ZFHX3: variants seen among roughly 807,000 people sequenced by gnomAD.
The protein encoded by ZFHX3 is zinc finger homeobox protein 3.
ZFHX3 carries 42 observed loss-of-function variants against 279.1 expected under a neutral mutation model. The observed-to-expected ratio is 0.15, with a 90% CI of 0.12 to 0.19. The LOEUF (loss-of-function observed/expected upper bound fraction) is 0.19, where lower values mean the gene tolerates loss of function less well. Among genes scored for constraint, ZFHX3 ranks in the 10% least tolerant of loss-of-function variants. ZFHX3 has a pLI of 1.00. For synonymous variants in ZFHX3, 2,293 were observed against 1,957.8 expected, an observed-to-expected ratio of 1.17 and a Z score of -4.52; for missense variants, 4,981 against 4,754.0, an observed-to-expected ratio of 1.05 and a Z score of -1.40.
At chr16:73,729,652 C>G (rs1164891973) in intron 1 of ZFHX3, among the ~76,000 whole-genome samples, 1 of 152,168 alleles carries the variant, frequency 6.6e-6, no homozygotes, top group African/African-American at 2.4e-5. Flanking sequence ...AACTAAAACA[C>G]CATAGCATCC....
chr16:73,887,487 T>C (rs1456422517), intron 1 of ZFHX3, among the ~76,000 whole-genome samples: 1 of 152,204 alleles, frequency 6.6e-6, no homozygotes, highest in Non-Finnish European at 1.5e-5. Flanking sequence ...TAGATTAAAA[T>C]GGTTTAACTT....
At chr16:73,498,358 T>C (rs770914529) in intron 2 of ZFHX3, among the ~76,000 whole-genome samples, 13 of 152,238 alleles carry the variant, frequency 8.5e-5, no homozygotes, top group Non-Finnish European at 1.5e-4. Flanking sequence ...GACATCTTGA[T>C]GTCAGTTGGT....
chr16:73,307,002 C>T (rs1472080979), intron 4 of ZFHX3, among the ~76,000 whole-genome samples: 1 of 152,188 alleles, frequency 6.6e-6, no homozygotes, highest in Non-Finnish European at 1.5e-5. Context: ...TCCTACACAA[C>T]AAGAACAGCA....
In ZFHX3 at chr16:73,603,823, G is replaced by T. The variant is rs889687308; in HGVS notation, c.-1547+76357C>A. Among the ~76,000 whole-genome samples, 10 of 146,222 alleles carry T rather than the reference G, an allele frequency of 6.8e-5. No homozygotes were observed. In the East Asian group the frequency reaches 1.8e-3, roughly 26 times the overall value. Reference sequence around the variant, plus strand: ...GAGTCTGGCTCTCTCACCCAGGCTGGAGTGCAGTGGCGTGGCATGATATCG... The same window carrying T: ...GAGTCTGGCTCTCTCACCCAGGCTGTAGTGCAGTGGCGTGGCATGATATCG... On this transcript the variant is annotated intron_variant, in intron 2 of 17. Transcript: ENST00000641206.
intron 3 of ZFHX3, among the ~76,000 whole-genome samples, chr16:73,349,273 C>A (rs2016179602): frequency 6.6e-6 from 1 of 152,148 alleles, no homozygotes; most frequent in African/African-American, 2.4e-5. Flanking sequence ...TTGTCACACA[C>A]CATCCTCACA....
intron 7 of ZFHX3, among the ~76,000 whole-genome samples, chr16:72,806,760 A>G (rs1471563559): frequency 6.6e-6 from 1 of 152,180 alleles, no homozygotes; most frequent in Non-Finnish European, 1.5e-5. Flanking sequence ...AGAAAAGTGC[A>G]GGCAACACAG....
intron 2 of ZFHX3, among the ~76,000 whole-genome samples, chr16:73,522,689 G>T (rs911570492): frequency 6.6e-6 from 1 of 152,152 alleles, no homozygotes; most frequent in Non-Finnish European, 1.5e-5. Flanking sequence ...GTCAAGCTGT[G>T]CCTTGTGTCT....
At chr16:73,593,359 T>A (rs2052017990) in intron 2 of ZFHX3, among the ~76,000 whole-genome samples, 1 of 152,090 alleles carries the variant, frequency 6.6e-6, no homozygotes, top group South Asian at 2.1e-4. Context: ...AAAATAGGTA[T>A]AAATTTCTAA....
At chr16:73,372,225 T>G (rs1481556781) in intron 3 of ZFHX3, among the ~76,000 whole-genome samples, 5 of 152,204 alleles carry the variant, frequency 3.3e-5, no homozygotes, top group Non-Finnish European at 5.9e-5. Context: ...CCAGTACTTT[T>G]GTGAAGATTT....
intron 5 of ZFHX3, among the ~76,000 whole-genome samples, chr16:72,816,083 G>C (rs1226652373): frequency 6.6e-6 from 1 of 152,016 alleles, no homozygotes; most frequent in Non-Finnish European, 1.5e-5. Flanking sequence ...GTAGGTATTA[G>C]AAAAAAAGAC....
At chr16:73,667,079 C>T (rs1010886677) in intron 2 of ZFHX3, among the ~76,000 whole-genome samples, 2 of 151,996 alleles carry the variant, frequency 1.3e-5, no homozygotes, top group Non-Finnish European at 2.9e-5. Flanking sequence ...ACAACCTCCA[C>T]CTCTCGGGTT....
intron 1 of ZFHX3, among the ~76,000 whole-genome samples, chr16:73,777,465 C>T (rs957732707): frequency 1.7e-4 from 24 of 142,232 alleles, no homozygotes; most frequent in East Asian, 2.1e-4. Context: ...ATCAAAATCA[C>T]GCCACTGCGC....
At chr16:73,330,204 A>C (rs143688318) in intron 3 of ZFHX3, among the ~76,000 whole-genome samples, 184 of 152,328 alleles carry the variant, frequency 1.2e-3, no homozygotes, top group Non-Finnish European at 1.7e-3. Flanking sequence ...CTGCTAGACA[A>C]GGGAAATAGC....
intron 1 of ZFHX3, among the ~76,000 whole-genome samples, chr16:73,057,538 A>C (rs1238212286): frequency 7.3e-6 from 1 of 136,606 alleles, no homozygotes; most frequent in African/African-American, 2.7e-5. Flanking sequence ...GCGAGAGCAA[A>C]AAAAAAAAAA....
At chr16:73,435,560 C>T (rs948715910) in intron 3 of ZFHX3, among the ~76,000 whole-genome samples, 1 of 152,090 alleles carries the variant, frequency 6.6e-6, no homozygotes, top group South Asian at 2.1e-4. Context: ...CAACTTGTGT[C>T]CTTAGATGCC....
chr16:73,305,291 TAAG>T (rs1039755617), intron 4 of ZFHX3, among the ~76,000 whole-genome samples: 9 of 152,032 alleles, frequency 5.9e-5, no homozygotes, highest in Non-Finnish European at 8.8e-5. Context: ...TGGTGTCAGA[TAAG>T]AAGAAAGCCC....
chr16:73,749,900 T>C (rs766857101), intron 1 of ZFHX3, among the ~76,000 whole-genome samples: 2 of 152,204 alleles, frequency 1.3e-5, no homozygotes, highest in Non-Finnish European at 2.9e-5. Flanking sequence ...CATTATGATG[T>C]ACATAAAACC....
chr16:73,230,725 T>C (rs1015800226), intron 5 of ZFHX3, among the ~76,000 whole-genome samples: 1 of 152,148 alleles, frequency 6.6e-6, no homozygotes, highest in Non-Finnish European at 1.5e-5. Flanking sequence ...TATGAGTGGG[T>C]TTGAGCTACT....
intron 3 of ZFHX3, among the ~76,000 whole-genome samples, chr16:73,334,582 G>A (rs114288935): frequency 1.4e-3 from 210 of 152,074 alleles, no homozygotes; most frequent in African/African-American, 4.7e-3. Context: ...TGTTCTGCCC[G>A]CTCCCCAAAG....
Sources: gnomAD v4.1 joint callset for allele counts (sites outside exome capture counted in the v4.1 genomes callset) on GRCh38, gnomAD v4.1.1 for gene constraint, MANE v1.5 for transcripts, NCBI Gene and HGNC (gene_info 2026-07-23, HGNC 2026-07-21) for gene names.